The following PAOX variants were observed in gnomAD, a reference collection of about 807,000 sequenced individuals.
The protein encoded by PAOX is peroxisomal N(1)-acetyl-spermine/spermidine oxidase.
PAOX carries 38 observed loss-of-function variants against 39.0 expected under a neutral mutation model. That is an observed-to-expected ratio of 0.97 (90% CI 0.75 to 1.28). The LOEUF is 1.28. PAOX is among the 50% of genes most tolerant of loss of function. The probability of loss-of-function intolerance (pLI) is 0.00; values close to 1 mark genes in which losing one functional copy is unlikely to be tolerated. For missense variants in PAOX, 667 were observed against 685.7 expected, an observed-to-expected ratio of 0.97 and a Z score of 0.30; for synonymous variants, 311 against 314.4, an observed-to-expected ratio of 0.99 and a Z score of 0.11.
chr10:133,383,849 G>A, intron 3 of PAOX, 111 bp from the exon 4 acceptor site: 1 of 1,357,012 alleles, frequency 7.4e-7, no homozygotes, highest in Non-Finnish European at 1.0e-6. Flanking sequence ...GTGTGAATGT[G>A]TCTGTAGGAT....
rs1849683017 is a variant in PAOX at position 133,391,479 on chromosome 10, A to G, written c.*24A>G. On this transcript the variant is annotated 3_prime_UTR_variant, in exon 7 of 7. Coordinates refer to ENST00000278060, the MANE Select transcript of PAOX (RefSeq NM_152911.4). ...AGCTGGGCCCAGCCTACTCTGTTCC[A>G]CCCGTGTCGGGGGTAGGCTGGGACC... 2.5e-6 allele frequency: 4 copies of G among 1,589,986 alleles called. No homozygotes were observed. The highest frequency in any genetic ancestry group is 1.4e-5 in the African/African-American group (1 of 73,760).
intron 6 of PAOX, chr10:133,390,729 T>G (rs950160420): frequency 3.6e-6 from 2 of 561,068 alleles, no homozygotes; most frequent in Non-Finnish European, 6.4e-6. Flanking sequence ...GAAATGTTGC[T>G]TCTTGAGTTT....
At position 133,391,436 on chromosome 10, in the gene PAOX, AGCCCAGGCCCAGGCTCTAGCTGG is replaced by A. The variant is rs1357139508; in HGVS notation, c.1524_*10del. 9 of 1,612,412 alleles carry A rather than the reference AGCCCAGGCCCAGGCTCTAGCTGG, an allele frequency of 5.6e-6. No individual in the cohort carries two copies. The highest frequency in any genetic ancestry group is 5.9e-6 in the Non-Finnish European group (7 of 1,179,824). On this transcript the variant is annotated stop_lost and 3_prime_UTR_variant, in exon 7 of 7. Transcript: ENST00000278060. ...AGTCTGTGGGCCCCGCAGGTGCAGC[AGCCCAGGCCCAGGCTCTAGCTGG>A]GCCCAGCCTACTCTGTTCCACCCGT...
At position 133,388,563 on chromosome 10, in the gene PAOX, C is replaced by T. The variant is rs1023540857; in HGVS notation, c.1122-393C>T. Among the ~76,000 whole-genome samples, 12 of 152,222 alleles carry T rather than the reference C, an allele frequency of 7.9e-5. No homozygotes were observed. The South Asian group carries it at 1.2e-3, about 16-fold the overall frequency. On this transcript the variant is annotated intron_variant, in intron 4 of 6. Coordinates refer to ENST00000278060, the MANE Select transcript of PAOX (RefSeq NM_152911.4). ...GTTGCTGCCTGATTCTGCTAAGGGA[C>T]GGTTTACCTGCCCTGGCTCTTGCTC...
intron 4 of PAOX, among the ~76,000 whole-genome samples, chr10:133,385,376 T>C (rs761093202): frequency 2.1e-4 from 32 of 152,104 alleles, no homozygotes; most frequent in Admixed American, 1.8e-3. Context: ...TGGGTGACTG[T>C]GTGTAGAGCC....
chr10:133,380,312 G>A lies in PAOX; in HGVS notation c.495G>A (p.Gln165=). 1.2e-6 allele frequency: 2 copies of A among 1,612,932 alleles called. No individual in the cohort carries two copies. Among genetic ancestry groups the A allele is most frequent in the Non-Finnish European group, 1.7e-6 (2 of 1,180,036 alleles). ...AGTACCTCAAGAAGGAGATTGGCCAGCACGTGGCCGGCTGGACAGAGGATG... is the reference window on the plus strand; with the variant it reads ...AGTACCTCAAGAAGGAGATTGGCCAACACGTGGCCGGCTGGACAGAGGATG... ...VGEYLKKEIG[Q]HVAGWTEDEE... is the part of the protein sequence containing the mutation. The change falls in exon 2 of 7, where the codon CAG becomes CAA. Residue 165 remains glutamine (Q), a synonymous_variant. Transcript: ENST00000278060.
rs1253109821 is a variant in PAOX, at chr10:133,391,416, G to A, written c.1497G>A (p.Leu499=). 6.2e-7 allele frequency: 1 copy of A among 1,612,748 alleles called. No homozygotes were observed. The highest frequency in any genetic ancestry group is 1.6e-4 in the Middle Eastern group (1 of 6,084). The change falls in exon 7 of 7, where the codon CTG becomes CTA. Residue 499 remains leucine (L), a synonymous_variant. Transcript: ENST00000278060. ...GWREADRLLS[L]WAPQVQQPRP... ...GGGAGGCCGACCGCCTCCTCAGTCT[G>A]TGGGCCCCGCAGGTGCAGCAGCCCA...
At chr10:133,386,537 C>T (rs999155535) in intron 4 of PAOX, among the ~76,000 whole-genome samples, 7 of 151,472 alleles carry the variant, frequency 4.6e-5, no homozygotes, top group Admixed American at 2.6e-4. Flanking sequence ...TGTAATAGCT[C>T]GATCTCGGTT....
At chr10:133,388,745 C>G (rs1849589722) in intron 4 of PAOX, among the ~76,000 whole-genome samples, 1 of 152,232 alleles carries the variant, frequency 6.6e-6, no homozygotes, top group South Asian at 2.1e-4. Context: ...TGGGGTGGCT[C>G]TTTGTGCCTC....
intron 6 of PAOX, among the ~76,000 whole-genome samples, chr10:133,390,174 TCCCCGCCCAC>T (rs778181325): frequency 6.0e-5 from 9 of 148,988 alleles, no homozygotes; most frequent in Non-Finnish European, 1.3e-4. Context: ...GCCAAGCTTC[TCCCCGCCCAC>T]CCCCGCCCTT....
chr10:133,383,154 C>T (rs1281526215), intron 3 of PAOX, among the ~76,000 whole-genome samples: 1 of 152,040 alleles, frequency 6.6e-6, no homozygotes, highest in Non-Finnish European at 1.5e-5. Context: ...CATTGCACTC[C>T]AGCCTGGGAG....
At chr10:133,379,951 C>A (rs554384630) in intron 1 of PAOX, 48 bp from the exon 2 acceptor site, 1 of 1,502,772 alleles carries the variant, frequency 6.7e-7, no homozygotes, top group Non-Finnish European at 8.8e-7. Flanking sequence ...CTCGGGGTGA[C>A]CCTTCTAGGA....
intron 6 of PAOX, among the ~76,000 whole-genome samples, chr10:133,390,439 C>CT (rs1404798338): frequency 7.1e-6 from 1 of 141,528 alleles, no homozygotes; most frequent in East Asian, 2.0e-4. Context: ...CACACACACA[C>CT]ACACACAAGT....
At chr10:133,379,608 C>G (rs1452253876) in intron 1 of PAOX, 111 bp downstream of exon 1, 1 of 896,830 alleles carries the variant, frequency 1.1e-6, no homozygotes, top group Admixed American at 4.1e-5. Flanking sequence ...CACCGGGCTC[C>G]CCGAGGGAAT....
At chr10:133,386,427 T>G (rs945388482) in intron 4 of PAOX, among the ~76,000 whole-genome samples, 1 of 152,160 alleles carries the variant, frequency 6.6e-6, no homozygotes, top group African/African-American at 2.4e-5. Flanking sequence ...GGTTGAAACA[T>G]AGGAAGAAAA....
At chr10:133,388,171 G>A (rs1403533894) in intron 4 of PAOX, among the ~76,000 whole-genome samples, 1 of 152,094 alleles carries the variant, frequency 6.6e-6, no homozygotes, top group Non-Finnish European at 1.5e-5. Flanking sequence ...TTCAGAGGCA[G>A]GGATATACGT....
intron 3 of PAOX, among the ~76,000 whole-genome samples, chr10:133,382,277 G>T (rs1348095036): frequency 1.3e-5 from 2 of 152,148 alleles, no homozygotes; most frequent in African/African-American, 2.4e-5. Flanking sequence ...CAAGTAGAGA[G>T]AAGTCACTTA....
intron 5 of PAOX, 91 bp downstream of exon 5, chr10:133,389,159 C>A: frequency 1.9e-6 from 2 of 1,050,600 alleles, no homozygotes; most frequent in South Asian, 1.3e-5. Flanking sequence ...CAGAGAAAAA[C>A]TAAATTTGGC....
rs1257975942 is a variant in PAOX at position 133,381,703 on chromosome 10, G to A, written c.868+44G>A. ...CCAAACCCCCATCCCAAGTGCCCCCGCCTCTGCCCTTACCCTGCCTCAGTT... is the reference window on the plus strand; with the variant it reads ...CCAAACCCCCATCCCAAGTGCCCCCACCTCTGCCCTTACCCTGCCTCAGTT... On this transcript the variant is annotated intron_variant, in intron 3 of 6. Coordinates refer to ENST00000278060, the MANE Select transcript of PAOX (RefSeq NM_152911.4). 7 of 1,596,968 alleles carry A rather than the reference G, an allele frequency of 4.4e-6. No individual in the cohort carries two copies. In the South Asian group the frequency reaches 4.4e-5, roughly 10 times the overall value.
Sources: gnomAD v4.1 joint callset for allele counts (sites outside exome capture counted in the v4.1 genomes callset) on GRCh38, gnomAD v4.1.1 for gene constraint, MANE v1.5 for transcripts, NCBI Gene and HGNC (gene_info 2026-07-23, HGNC 2026-07-21) for gene names.